Variants in ATG13 observed in about 807,000 individuals in gnomAD.
ATG13 encodes the protein autophagy related 13.
Under a neutral mutation model 65.5 loss-of-function variants are expected in ATG13, and 23 were observed. The observed-to-expected ratio is 0.35, with a 90% CI of 0.25 to 0.50. ATG13 has a LOEUF of 0.50. ATG13 is among the 20% of genes least tolerant of loss of function. The pLI, the probability that ATG13 is intolerant of heterozygous loss-of-function variation, is 0.98. For missense variants in ATG13, 566 were observed against 677.0 expected, an observed-to-expected ratio of 0.84 and a Z score of 1.82; for synonymous variants, 252 against 245.2, an observed-to-expected ratio of 1.03 and a Z score of -0.26.
chr11:46,647,180 TCTTAA>T (rs1489022036), intron 5 of ATG13, among the ~76,000 whole-genome samples: 6 of 152,136 alleles, frequency 3.9e-5, no homozygotes, highest in Non-Finnish European at 7.4e-5. Context: ...ATAACTGCAG[TCTTAA>T]CTTAGACTTC....
intron 1 of ATG13, among the ~76,000 whole-genome samples, chr11:46,624,154 G>A (rs942951242): frequency 1.5e-4 from 23 of 151,812 alleles, no homozygotes; most frequent in African/African-American, 4.3e-4. Flanking sequence ...ACAGGCATGC[G>A]TCACCACACC....
At chr11:46,663,940 C>A in intron 11 of ATG13, 57 bp from the exon 12 acceptor site, 2 of 1,158,656 alleles carry the variant, frequency 1.7e-6, no homozygotes, top group Non-Finnish European at 2.4e-6. Context: ...TCTCAAGTCC[C>A]TTTTCTTTTT....
chr11:46,672,159 T>G, intron 18 of ATG13, 96 bp from the exon 19 acceptor site: 1 of 1,585,026 alleles, frequency 6.3e-7, no homozygotes, highest in Non-Finnish European at 8.6e-7. Context: ...GGGCTGAGCT[T>G]CGTCTTGCTT....
At chr11:46,628,499 ATTTC>A (rs2050528160) in intron 1 of ATG13, among the ~76,000 whole-genome samples, 1 of 152,074 alleles carries the variant, frequency 6.6e-6, no homozygotes, top group South Asian at 2.1e-4. Context: ...ACATTCTATT[ATTTC>A]TTTAATAGTT....
chr11:46,618,123 G>T (rs1420225877), intron 1 of ATG13: 2 of 381,890 alleles, frequency 5.2e-6, no homozygotes, highest in East Asian at 3.7e-5. Flanking sequence ...CACTTTTTCA[G>T]CTCCTTGGGT....
At chr11:46,660,422 T>C (rs2060923504) in intron 11 of ATG13, among the ~76,000 whole-genome samples, 1 of 151,322 alleles carries the variant, frequency 6.6e-6, no homozygotes, top group African/African-American at 2.4e-5. Context: ...TTTCCCTTTT[T>C]TTTTTGAGAC....
intron 7 of ATG13, among the ~76,000 whole-genome samples, chr11:46,654,354 T>A (rs2059594538): frequency 6.7e-6 from 1 of 148,172 alleles, no homozygotes; most frequent in South Asian, 2.1e-4. Context: ...TATCAAACTC[T>A]AGTACATTCT....
intron 1 of ATG13, among the ~76,000 whole-genome samples, chr11:46,619,191 CGAGAGAATA>C (rs2135505157): frequency 6.6e-6 from 1 of 151,834 alleles, no homozygotes; most frequent in African/African-American, 2.4e-5. Flanking sequence ...AAATATTCTG[CGAGAGAATA>C]GAGGTACTGT....
chr11:46,617,978 G>T, intron 1 of ATG13, 88 bp downstream of exon 1: 1 of 398,864 alleles, frequency 2.5e-6, no homozygotes, highest in Non-Finnish European at 4.4e-6. Context: ...CTGCTGCTTC[G>T]TGGAAGTAGA....
chr11:46,666,569 A>G (rs2062407042), intron 14 of ATG13, among the ~76,000 whole-genome samples: 1 of 152,208 alleles, frequency 6.6e-6, no homozygotes, highest in Non-Finnish European at 1.5e-5. Flanking sequence ...ACGTTCTCAT[A>G]TTTCCACCCT....
rs748817992 is a variant in ATG13 at position 46,664,827 on chromosome 11, T to G, written c.889-22T>G. 1.8e-5 allele frequency: 29 copies of G among 1,599,940 alleles called. No individual in the cohort carries two copies. The highest frequency in any genetic ancestry group is 2.5e-5 in the Non-Finnish European group (29 of 1,168,388). ...TTTTTCCTTGCCTTTCCTTTTCTCC[T>G]CTTTGTTTTTCTCTTGCTTAGCTCT... is the stretch of plus-strand genomic sequence containing the variant. On this transcript the variant is annotated intron_variant, in intron 12 of 18. Transcript: ENST00000683050.
Position 46,673,205 on chromosome 11 carries a change from G to A in ATG13, c.*873G>A, listed in dbSNP as rs1256398843. On this transcript the variant is annotated 3_prime_UTR_variant, in exon 19 of 19. Coordinates refer to ENST00000683050, the MANE Select transcript of ATG13 (RefSeq NM_001346311.2). ...AGTTGTTTTTCACTTGGAGAAGGCGGAGGGCTCTTCCTGGGACGGAGACCT... is the reference window on the plus strand; with the variant it reads ...AGTTGTTTTTCACTTGGAGAAGGCGAAGGGCTCTTCCTGGGACGGAGACCT... 1 of 154,586 alleles carries A rather than the reference G, an allele frequency of 6.5e-6. No homozygotes were observed. Among genetic ancestry groups the A allele is most frequent in the Non-Finnish European group, 1.4e-5 (1 of 69,454 alleles). 9.6% of individuals were successfully genotyped at this position (154,586 alleles called of 1,614,324 possible). A position where few individuals can be genotyped will look rare whatever the true frequency, so the allele number is the denominator to read the frequency against.
chr11:46,641,039 A>C (rs562362172), intron 2 of ATG13, among the ~76,000 whole-genome samples: 2 of 152,344 alleles, frequency 1.3e-5, no homozygotes, highest in South Asian at 4.1e-4. Flanking sequence ...GATAGCTAAA[A>C]ACAGGAAACA....
chr11:46,672,127 TC>T, intron 18 of ATG13, 127 bp from the exon 19 acceptor site: 1 of 1,456,104 alleles, frequency 6.9e-7, no homozygotes, highest in Non-Finnish European at 9.4e-7. Flanking sequence ...CCCTGCGTTC[TC>T]CCACTTGCTC....
rs2064276744 is a variant in ATG13, at chr11:46,674,004, G to A, written c.*1672G>A. ...CCAAGAAGTGTTAGCAGAAGCAGTA[G>A]CAGCCAACTGGCCCTCCTGACTTTG... On this transcript the variant is annotated 3_prime_UTR_variant, in exon 19 of 19. Transcript: ENST00000683050. 1 of 152,262 alleles carries A rather than the reference G, an allele frequency of 6.6e-6. No individual in the cohort carries two copies. The highest frequency in any genetic ancestry group is 1.5e-5 in the Non-Finnish European group (1 of 68,080). 9.4% of individuals were successfully genotyped at this position (152,262 alleles called of 1,614,324 possible).
At chr11:46,636,624 T>C (rs1565463961) in intron 2 of ATG13, among the ~76,000 whole-genome samples, 1 of 151,628 alleles carries the variant, frequency 6.6e-6, no homozygotes, top group South Asian at 2.1e-4. Context: ...TCTTTTTTCC[T>C]TTTTTTGTTG....
At chr11:46,646,487 G>C (rs2057581296) in intron 5 of ATG13, among the ~76,000 whole-genome samples, 1 of 148,038 alleles carries the variant, frequency 6.8e-6, no homozygotes, top group Admixed American at 6.7e-5. Flanking sequence ...TTTTGAGACA[G>C]AGTTTCACTC....
chr11:46,654,554 A>G (rs1217364358), intron 7 of ATG13, among the ~76,000 whole-genome samples: 3 of 145,028 alleles, frequency 2.1e-5, no homozygotes, highest in Non-Finnish European at 3.0e-5. Flanking sequence ...GACCCTGTCT[A>G]TACTAGAAAT....
chr11:46,623,933 T>TC (rs1347585905), intron 1 of ATG13, among the ~76,000 whole-genome samples: 1 of 152,040 alleles, frequency 6.6e-6, no homozygotes, highest in Non-Finnish European at 1.5e-5. Flanking sequence ...TTTTTTTTTT[T>TC]CTGAACCCTT....
Sources: allele counts gnomAD v4.1 joint callset (sites outside exome capture counted in the v4.1 genomes callset), GRCh38; gene constraint gnomAD v4.1.1; transcripts MANE v1.5; gene names NCBI Gene and HGNC (gene_info 2026-07-23, HGNC 2026-07-21).